Variants in NDUFS1 observed in about 807,000 individuals in gnomAD.
NDUFS1 encodes the protein NADH:ubiquinone oxidoreductase core subunit S1, also known as NADH-ubiquinone oxidoreductase 75 kDa subunit, mitochondrial.
Under a neutral mutation model 84.4 loss-of-function variants are expected in NDUFS1, and 61 were observed. That is an observed-to-expected ratio of 0.72 (90% CI 0.59 to 0.89). The LOEUF is 0.89. NDUFS1 is among the 40% of genes least tolerant of loss of function. The probability of loss-of-function intolerance (pLI) is 0.00; values close to 1 mark genes in which losing one functional copy is unlikely to be tolerated. For missense variants in NDUFS1, 891 were observed against 890.0 expected (o/e 1.00, Z -0.01); for synonymous variants, 275 against 290.0 (o/e 0.95, Z 0.53).
intron 14 of NDUFS1, among the ~76,000 whole-genome samples, 165 bp from the exon 15 acceptor site, chr2:206,130,407 C>T (rs562347730): frequency 1.3e-5 from 2 of 151,014 alleles, no homozygotes; most frequent in Non-Finnish European, 2.9e-5. Flanking sequence ...CAGGCTGGAG[C>T]GCAGTGGCGT....
At chr2:206,127,120 A>T (rs77452503) in intron 16 of NDUFS1, among the ~76,000 whole-genome samples, 8 of 152,238 alleles carry the variant, frequency 5.3e-5, no homozygotes, top group Non-Finnish European at 1.0e-4. Flanking sequence ...TGTTATTAAA[A>T]TACATAAAGT....
chr2:206,129,442 T>C (rs866404961), intron 15 of NDUFS1, among the ~76,000 whole-genome samples: 3 of 152,038 alleles, frequency 2.0e-5, no homozygotes, highest in Non-Finnish European at 4.4e-5. Flanking sequence ...TTTAAATTTT[T>C]TGTAGAAACA....
At chr2:206,138,408 A>G in intron 13 of NDUFS1, 77 bp downstream of exon 13, 1 of 1,524,010 alleles carries the variant, frequency 6.6e-7, no homozygotes, top group Non-Finnish European at 9.0e-7. Context: ...CTTACATAGG[A>G]TTATTACAAA....
intron 9 of NDUFS1, 56 bp downstream of exon 9, chr2:206,144,836 T>G: frequency 6.5e-7 from 1 of 1,547,996 alleles, no homozygotes; most frequent in Non-Finnish European, 8.8e-7. Context: ...TCAAAATTAT[T>G]ATAAAATTTC....
In NDUFS1 at chr2:206,122,639, A is replaced by AAAAAAAAAAAAC. The variant is rs1559038202; in HGVS notation, c.*1545_*1546insGTTTTTTTTTTT. On this transcript the variant is annotated 3_prime_UTR_variant, in exon 19 of 19. Coordinates refer to ENST00000233190, the MANE Select transcript of NDUFS1 (RefSeq NM_005006.7). The stretch of plus-strand genomic sequence containing the variant: ...AGTAAGACTCCATCTCAAAAAAAAA[A>AAAAAAAAAAAAC]AAAAAACAAAGGGAAAAAGGGCATC... 6.8e-6 allele frequency: 1 copy of AAAAAAAAAAAAC among 146,714 alleles called. No individual in the cohort carries two copies. Among genetic ancestry groups the AAAAAAAAAAAAC allele is most frequent in the Admixed American group, 6.9e-5 (1 of 14,538 alleles). 9.1% of individuals were successfully genotyped at this position (146,714 alleles called of 1,614,324 possible).
chr2:206,137,653 TCAAG>T (rs1691773190), intron 13 of NDUFS1, among the ~76,000 whole-genome samples: 1 of 152,066 alleles, frequency 6.6e-6, no homozygotes, highest in South Asian at 2.1e-4. Flanking sequence ...ATAGACATTC[TCAAG>T]CAAGCAAGAA....
rs1019699806 is a variant in NDUFS1, at chr2:206,124,140, T to C, written c.*45A>G. On this transcript the variant is annotated 3_prime_UTR_variant, in exon 19 of 19. Transcript: ENST00000233190. The stretch of plus-strand genomic sequence containing the variant: ...CTGTAAAGGATCACTGCACTACAGT[T>C]GTCCATTAATTATCTGCGGCAAAAC... The C allele has an allele frequency of 5.0e-6, 6 of 1,196,376 alleles. No homozygotes were observed. Among genetic ancestry groups the C allele is most frequent in the Middle Eastern group, 1.9e-4 (1 of 5,272 alleles). 74.1% of individuals were successfully genotyped at this position (1,196,376 alleles called of 1,614,324 possible).
At chr2:206,144,317 A>C (rs1337446108) in intron 9 of NDUFS1, among the ~76,000 whole-genome samples, 185 bp from the exon 10 acceptor site, 1 of 152,228 alleles carries the variant, frequency 6.6e-6, no homozygotes, top group Non-Finnish European at 1.5e-5. Flanking sequence ...TATGAACTTC[A>C]CCTAAAACTA....
In NDUFS1 at chr2:206,117,296, T is replaced by A. The variant is rs1205396195; in HGVS notation, c.*6889A>T. 1 of 152,256 alleles carries A rather than the reference T, an allele frequency of 6.6e-6. No individual in the cohort carries two copies. The highest frequency in any genetic ancestry group is 1.5e-5 in the Non-Finnish European group (1 of 68,038). 9.4% of individuals were successfully genotyped at this position (152,256 alleles called of 1,614,324 possible). A position where few individuals can be genotyped will look rare whatever the true frequency, so the allele number is the denominator to read the frequency against. ...TGTTATGTACTTACCTCTATTAGAATATGTTATGTCATTACTATAATTGAT... is the reference window on the plus strand; with the variant it reads ...TGTTATGTACTTACCTCTATTAGAAAATGTTATGTCATTACTATAATTGAT... On this transcript the variant is annotated 3_prime_UTR_variant, in exon 19 of 19. Coordinates refer to ENST00000233190, the MANE Select transcript of NDUFS1 (RefSeq NM_005006.7).
At position 206,116,317 on chromosome 2, in the gene NDUFS1, A is replaced by C. The variant is rs184846990; in HGVS notation, c.*7868T>G. On this transcript the variant is annotated 3_prime_UTR_variant, in exon 19 of 19. Transcript: ENST00000233190. ...AATAGAGTTCACTAGCAGCTTTCAC[A>C]CTCTCCAAAGCACCAAACTCATCTT... The C allele has an allele frequency of 1.1e-3, 1,001 of 904,688 alleles. 2 individuals are homozygous for C. Among genetic ancestry groups the C allele is most frequent in the Non-Finnish European group, 1.5e-3 (811 of 531,826 alleles). 56.0% of individuals were successfully genotyped at this position (904,688 alleles called of 1,614,324 possible).
chr2:206,145,505 G>C (rs1052844570), intron 8 of NDUFS1, among the ~76,000 whole-genome samples: 3 of 152,176 alleles, frequency 2.0e-5, no homozygotes, highest in African/African-American at 7.2e-5. Flanking sequence ...CTAGTTTGAA[G>C]GGGCTCCAAC....
chr2:206,116,567 G>T lies in NDUFS1; in HGVS notation c.*7618C>A, dbSNP rs2105932691. On this transcript the variant is annotated 3_prime_UTR_variant, in exon 19 of 19. Coordinates refer to ENST00000233190, the MANE Select transcript of NDUFS1 (RefSeq NM_005006.7). Reference sequence around the variant, plus strand: ...CTCGCGCGGGGAGGCGGGGCGGTGTGGGCAGAAGTAAATTTCTTTATAAAT... The same window carrying T: ...CTCGCGCGGGGAGGCGGGGCGGTGTTGGCAGAAGTAAATTTCTTTATAAAT... 2 of 613,922 alleles carry T rather than the reference G, an allele frequency of 3.3e-6. No homozygotes were observed. Among genetic ancestry groups the T allele is most frequent in the South Asian group, 1.8e-5 (1 of 55,240 alleles). The allele number at this position is 613,922 out of a possible 1,614,324, so 38.0% of individuals were successfully genotyped here. A position where few individuals can be genotyped will look rare whatever the true frequency, so the allele number is the denominator to read the frequency against.
rs1690941419 is a variant in NDUFS1 at position 206,116,324 on chromosome 2, A to G, written c.*7861T>C. 2 of 900,480 alleles carry G rather than the reference A, an allele frequency of 2.2e-6. No individual in the cohort carries two copies. Among genetic ancestry groups the G allele is most frequent in the Admixed American group, 3.4e-5 (2 of 58,912 alleles). 55.8% of individuals were successfully genotyped at this position (900,480 alleles called of 1,614,324 possible). A position where few individuals can be genotyped will look rare whatever the true frequency, so the allele number is the denominator to read the frequency against. On this transcript the variant is annotated 3_prime_UTR_variant, in exon 19 of 19. Transcript: ENST00000233190. ...TTCACTAGCAGCTTTCACACTCTCC[A>G]AAGCACCAAACTCATCTTGTTTGTT...
chr2:206,142,176 AT>A, intron 11 of NDUFS1, 107 bp from the exon 12 acceptor site: 1 of 935,486 alleles, frequency 1.1e-6, no homozygotes, highest in Non-Finnish European at 1.7e-6. Context: ...CAAACAAAAA[AT>A]TTTATGAAGT....
Position 206,144,906 on chromosome 2 carries a change from G to A in NDUFS1, c.858C>T (p.Ile286=). 6.2e-7 allele frequency: 1 copy of A among 1,613,944 alleles called. No homozygotes were observed. Among genetic ancestry groups the A allele is most frequent in the Non-Finnish European group, 8.5e-7 (1 of 1,179,946 alleles). The part of the protein sequence containing the change: ...RMHEDINEEW[I]SDKTRFAYDG... ...ATAGCATATACCTGGTTTTATCAGA[G>A]ATCCACTCTTCATTGATGTCCTCAT... Residue 286 remains isoleucine, a synonymous_variant, in exon 9 of 19, where the codon ATC becomes ATT. Coordinates refer to ENST00000233190, the MANE Select transcript of NDUFS1 (RefSeq NM_005006.7).
chr2:206,158,690 G>A (rs1687775938), intron 1 of NDUFS1, among the ~76,000 whole-genome samples: 1 of 152,198 alleles, frequency 6.6e-6, no homozygotes, highest in South Asian at 2.1e-4. Flanking sequence ...CCGTCAATTC[G>A]TGTGTGAACA....
In NDUFS1 at chr2:206,146,115, A is replaced by G. The variant is rs1007290077; in HGVS notation, c.737+788T>C. 7.9e-5 allele frequency among the ~76,000 whole-genome samples: 12 copies of G among 152,366 alleles called. No homozygotes were observed. In the East Asian group the frequency reaches 2.3e-3, roughly 29 times the overall value. ...ACAAACAGATCCATTGGCAAAGAAC[A>G]TAACTCTTATTAGGTCACGGTGTTT... On this transcript the variant is annotated intron_variant, in intron 8 of 18. Transcript: ENST00000233190.
At chr2:206,138,673 A>C in intron 12 of NDUFS1, 59 bp from the exon 13 acceptor site, 22 of 1,533,072 alleles carry the variant, frequency 1.4e-5, no homozygotes, top group Non-Finnish European at 1.8e-5. Context: ...TACTGGTCTC[A>C]TCAATCCTAA....
At chr2:206,130,513 C>T (rs1004407968) in intron 14 of NDUFS1, among the ~76,000 whole-genome samples, 2 of 152,096 alleles carry the variant, frequency 1.3e-5, no homozygotes, top group Non-Finnish European at 2.9e-5. Flanking sequence ...TGCCACCACA[C>T]CCGGCTAATT....
Sources: gnomAD v4.1 joint callset for allele counts (sites outside exome capture counted in the v4.1 genomes callset) on GRCh38, gnomAD v4.1.1 for gene constraint, MANE v1.5 for transcripts, NCBI Gene and HGNC (gene_info 2026-07-23, HGNC 2026-07-21) for gene names.